MICA: variants seen among roughly 807,000 people sequenced by gnomAD.
MICA encodes HLA class I antigen.
In MICA, 18 loss-of-function variants were observed where a neutral mutation model predicts 34.3. The ratio of observed to expected loss-of-function variants is 0.52; its 90% CI spans 0.36 to 0.78. MICA has a LOEUF of 0.78. Ranked by LOEUF, MICA falls within the 30% of genes least tolerant of loss-of-function variation. MICA has a pLI of 0.00. For synonymous variants in MICA, 135 were observed against 156.9 expected, an observed-to-expected ratio of 0.86 and a Z score of 1.04; for missense variants, 333 against 409.4, an observed-to-expected ratio of 0.81 and a Z score of 1.61.
chr6:31,403,307 G>A (rs900849114), upstream of MICA, among the ~76,000 whole-genome samples: 3 of 151,808 alleles, frequency 2.0e-5, no homozygotes, highest in Non-Finnish European at 4.4e-5. The surrounding 1 kb of genome is among the most constrained non-coding windows in gnomAD (Gnocchi z 4.7). Context: ...GATGCCGGGA[G>A]GGCAGGCAGG....
In MICA at chr6:31,414,352, G is replaced by C. The variant is rs531660723; in HGVS notation, c.*30-660G>C. 2.0e-5 allele frequency among the ~76,000 whole-genome samples: 3 copies of C among 152,210 alleles called. No homozygotes were observed. The South Asian group carries it at 6.2e-4, about 32-fold the overall frequency. On this transcript the variant is annotated intron_variant, in intron 5 of 5. Transcript: ENST00000449934. ...TTTCCAGGGTTAAGCGGACCAGGCA[G>C]GAGTAGCGGTTACTCAAGAGCAGGT...
In MICA at chr6:31,411,974, G is replaced by T. The variant is rs1206237939; in HGVS notation, c.641G>T (p.Ser214Ile). ...TVPPMVNVTR[S>I]EASEGNITVT... ...CCCCCCATGGTGAATGTCACCCGCA[G>T]CGAGGCCTCAGAGGGCAACATCACC... Residue 214 changes from serine to isoleucine, a missense_variant, in exon 4 of 6, where the codon AGC becomes ATC. Coordinates refer to ENST00000449934, the MANE Select transcript of MICA (RefSeq NM_001177519.3). The surrounding 1 kb of genome is among the most constrained non-coding windows in gnomAD (Gnocchi z 4.3). The T allele has an allele frequency of 6.2e-7, 1 of 1,613,114 alleles. No homozygotes were observed. The highest frequency in any genetic ancestry group is 1.1e-5 in the South Asian group (1 of 91,038).
chr6:31,403,553 C>A (rs564536197), upstream of MICA: 274 of 1,183,182 alleles, frequency 2.3e-4, 1 homozygote, highest in Non-Finnish European at 2.9e-4. The surrounding 1 kb of genome is among the most constrained non-coding windows in gnomAD (Gnocchi z 4.7). Context: ...GTCGGGGGAC[C>A]GGGCCAGGTG....
At chr6:31,408,033 GT>G (rs1770839434) in intron 1 of MICA, among the ~76,000 whole-genome samples, 1 of 151,760 alleles carries the variant, frequency 6.6e-6, no homozygotes, top group Admixed American at 6.6e-5. Context: ...TGTATACTTA[GT>G]TTTTTGAGAG....
upstream of MICA, among the ~76,000 whole-genome samples, chr6:31,403,265 C>T (rs1770541434): frequency 6.6e-6 from 1 of 151,774 alleles, no homozygotes; most frequent in Non-Finnish European, 1.5e-5. This position sits in a 1 kb window ranked among gnomAD's most constrained non-coding sequence, Gnocchi z 4.7. Flanking sequence ...GCCCGCGCTC[C>T]TCGGGGTGGG....
chr6:31,406,953 A>G (rs1770779373), intron 1 of MICA, among the ~76,000 whole-genome samples: 1 of 151,840 alleles, frequency 6.6e-6, no homozygotes, highest in Admixed American at 6.6e-5. Context: ...TGGTTACTGT[A>G]GCTCTGTAGT....
At chr6:31,403,372 C>T (rs1021606781), upstream of MICA, among the ~76,000 whole-genome samples, 2 of 151,906 alleles carry the variant, frequency 1.3e-5, no homozygotes, top group Admixed American at 6.6e-5. This position sits in a 1 kb window ranked among gnomAD's most constrained non-coding sequence, Gnocchi z 4.7. Context: ...CGAAGCTGGT[C>T]CCTGCTTTAG....
chr6:31,405,262 A>G (rs1156774555), intron 1 of MICA, among the ~76,000 whole-genome samples: 1 of 150,250 alleles, frequency 6.7e-6, no homozygotes, highest in African/African-American at 2.5e-5. Context: ...CCCACACCGC[A>G]TATCTAAAAT....
chr6:31,410,877 TC>T, intron 2 of MICA, 80 bp downstream of exon 2: 1 of 1,495,876 alleles, frequency 6.7e-7, no homozygotes, highest in Non-Finnish European at 8.9e-7. Flanking sequence ...ACCTGTCTCT[TC>T]CCACTGGATC....
rs200465832 is a variant in MICA at position 31,405,781 on chromosome 6, A to T, written c.70+2079A>T. The stretch of plus-strand genomic sequence containing the variant: ...CTCCCCATGAGGTCCATTGTTTTAA[A>T]TTTTGGCTGCCACAAATAAGTGAGA... On this transcript the variant is annotated intron_variant, in intron 1 of 5. Transcript: ENST00000449934. Among the ~76,000 whole-genome samples the T allele has an allele frequency of 4.2e-3, 639 of 151,618 alleles. 15 individuals are homozygous for T. The East Asian group carries it at 0.052, about 12-fold the overall frequency.
chr6:31,413,619 T>C (rs1173520116), intron 5 of MICA, among the ~76,000 whole-genome samples: 3 of 151,656 alleles, frequency 2.0e-5, no homozygotes, highest in Non-Finnish European at 4.4e-5. Context: ...TTGAACCTAA[T>C]TGCACTGTCA....
chr6:31,409,302 C>A (rs867812575), intron 1 of MICA, among the ~76,000 whole-genome samples: 18 of 115,912 alleles, frequency 1.6e-4, no homozygotes, highest in African/African-American at 5.0e-4. Flanking sequence ...TCTTTGCCAA[C>A]CTTGCTCTGT....
chr6:31,409,837 C>T (rs1042738991), intron 1 of MICA, among the ~76,000 whole-genome samples: 13 of 151,772 alleles, frequency 8.6e-5, no homozygotes, highest in African/African-American at 2.7e-4. Flanking sequence ...ACACCCCCTG[C>T]CCCCAGAACT....
chr6:31,405,931 A>C lies in MICA; in HGVS notation c.70+2229A>C, dbSNP rs537916339. Among the ~76,000 whole-genome samples, 45 of 151,918 alleles carry C rather than the reference A, an allele frequency of 3.0e-4. 1 individual carries two copies. The highest frequency in any genetic ancestry group is 3.4e-3 in the Middle Eastern group (1 of 294). ...TACACATGTACACCACATTTTCTTT[A>C]TCCATGCGTCTGTTGATGGACACTT... On this transcript the variant is annotated intron_variant, in intron 1 of 5. Coordinates refer to ENST00000449934, the MANE Select transcript of MICA (RefSeq NM_001177519.3).
In MICA at chr6:31,403,644, C is replaced by T. The variant is rs1357809903; in HGVS notation, c.12C>T (p.Gly4=). MGL[G]PVFLLLAGIF... is the part of the protein sequence containing the mutation. ...GCGACGTCGGGGCCATGGGGCTGGG[C>T]CCGGTCTTTCTGCTTCTGGCTGGCA... is the stretch of plus-strand genomic sequence containing the variant. Residue 4 remains glycine (G), a synonymous_variant, in exon 1 of 6, where the codon GGC becomes GGT. Transcript: ENST00000449934. This position sits in a 1 kb window ranked among gnomAD's most constrained non-coding sequence, Gnocchi z 4.7. The T allele has an allele frequency of 6.5e-7, 1 of 1,528,430 alleles. No individual in the cohort carries two copies. The highest frequency in any genetic ancestry group is 1.2e-5 in the South Asian group (1 of 82,274). The allele number at this position is 1,528,430 out of a possible 1,614,324, so 94.7% of individuals were successfully genotyped here. A position where few individuals can be genotyped will look rare whatever the true frequency, so the allele number is the denominator to read the frequency against.
At chr6:31,410,847 G>A in intron 2 of MICA, 50 bp downstream of exon 2, 1 of 1,529,554 alleles carries the variant, frequency 6.5e-7, no homozygotes, top group Non-Finnish European at 8.8e-7. Flanking sequence ...TTCCAGAAAA[G>A]TTAGGGGCAG....
chr6:31,412,236 G>A lies in MICA; in HGVS notation c.892+11G>A, dbSNP rs529725019. The A allele has an allele frequency of 1.1e-5, 17 of 1,607,662 alleles. No individual in the cohort carries two copies. The highest frequency in any genetic ancestry group is 1.0e-4 in the Admixed American group (6 of 59,090). On this transcript the variant is annotated intron_variant, in intron 4 of 5. Transcript: ENST00000449934. ...ACCCTGTGCCCTCTGGTGAGCCTAG[G>A]GTGACCCTGGAGAGGGTCAGGCCAG...
chr6:31,403,273 G>T (rs1333800348), upstream of MICA, among the ~76,000 whole-genome samples: 1 of 151,834 alleles, frequency 6.6e-6, no homozygotes, highest in Non-Finnish European at 1.5e-5. The surrounding 1 kb of genome is among the most constrained non-coding windows in gnomAD (Gnocchi z 4.7). Context: ...TCCTCGGGGT[G>T]GGGGCGCGGG....
chr6:31,414,102 G>GC (rs989006506), intron 5 of MICA, among the ~76,000 whole-genome samples: 1 of 151,992 alleles, frequency 6.6e-6, no homozygotes, highest in Non-Finnish European at 1.5e-5. Flanking sequence ...CAAATTTGGA[G>GC]CCCCCTCTCC....
Sources: allele counts gnomAD v4.1 joint callset (sites outside exome capture counted in the v4.1 genomes callset), GRCh38; gene constraint gnomAD v4.1.1; non-coding constraint Gnocchi (gnomAD v3.1); transcripts MANE v1.5; gene names NCBI Gene and HGNC (gene_info 2026-07-23, HGNC 2026-07-21).